OPLAH: variants seen among roughly 807,000 people sequenced by gnomAD.
OPLAH encodes 5-oxoprolinase.
Under a neutral mutation model 122.8 loss-of-function variants are expected in OPLAH, and 103 were observed. The ratio of observed to expected loss-of-function variants is 0.84; its 90% CI spans 0.71 to 0.99. OPLAH has a LOEUF of 0.99. OPLAH is among the 50% of genes least tolerant of loss of function. The pLI, the probability that OPLAH is intolerant of heterozygous loss-of-function variation, is 0.00. For missense variants in OPLAH, 1,902 were observed against 1,836.5 expected, an observed-to-expected ratio of 1.04 and a Z score of -0.65; for synonymous variants, 875 against 796.0, an observed-to-expected ratio of 1.10 and a Z score of -1.67.
chr8:144,059,192 C>T (rs1205411357), intron 3 of OPLAH, 113 bp from the exon 4 acceptor site: 8 of 866,584 alleles, frequency 9.2e-6, no homozygotes, highest in African/African-American at 3.4e-5. Context: ...GGTCGGCAGG[C>T]CCAGGAGAGT....
In OPLAH at chr8:144,059,971, ACGT is replaced by A; in HGVS notation, c.59_61del (p.Asp20del). ...GTGCCCCCCTGGGCACTGGGCAAAG[ACGT>A]CTGTGAAGGTACCCCCACGGTCGAT... On this transcript the variant is annotated inframe_deletion, in exon 2 of 27. Transcript: ENST00000618853. 6.2e-7 allele frequency: 1 copy of A among 1,612,718 alleles called. No individual in the cohort carries two copies. The highest frequency in any genetic ancestry group is 8.5e-7 in the Non-Finnish European group (1 of 1,179,816).
chr8:144,054,330 C>G (rs1835456205), intron 19 of OPLAH, among the ~76,000 whole-genome samples: 1 of 152,232 alleles, frequency 6.6e-6, no homozygotes, highest in African/African-American at 2.4e-5. Context: ...TTGGCTAACT[C>G]TCCACCCGCA....
chr8:144,054,421 G>A (rs1243565889), intron 19 of OPLAH, 140 bp downstream of exon 19: 2 of 922,182 alleles, frequency 2.2e-6, no homozygotes, highest in Admixed American at 3.0e-5. Context: ...CTGCCCTTTG[G>A]GGTAACCACC....
Position 144,052,021 on chromosome 8 carries a change from G to A in OPLAH, c.3517C>T (p.Arg1173Cys), listed in dbSNP as rs930565646. The stretch of plus-strand genomic sequence containing the variant: ...GTGACGCCGTCGCCGCCTCGGAAGC[G>A]GCCTCTGCCCCCCGAGCCCCGCCGC... ...ELRRGSGGRGRFRGGDGVTRE... is the reference protein window; with the variant it reads ...ELRRGSGGRGCFRGGDGVTRE... Residue 1173 changes from arginine (R) to cysteine (C), a missense_variant, in exon 25 of 27, where the codon CGC (arginine) becomes TGC (cysteine). Physicochemically the swap from Arg to Cys is radical, Grantham distance 180. Coordinates refer to ENST00000618853, the MANE Select transcript of OPLAH (RefSeq NM_017570.5). 1 of 1,589,932 alleles carries A rather than the reference G, an allele frequency of 6.3e-7. No homozygotes were observed. Among genetic ancestry groups the A allele is most frequent in the Admixed American group, 1.7e-5 (1 of 59,352 alleles).
chr8:144,063,133 G>A (rs1211606110), upstream of OPLAH, among the ~76,000 whole-genome samples: 4 of 151,990 alleles, frequency 2.6e-5, no homozygotes, highest in East Asian at 1.9e-4. This position sits in a 1 kb window ranked among gnomAD's most constrained non-coding sequence, Gnocchi z 4.2. Flanking sequence ...GGGATGGCCC[G>A]GCCCCTACTC....
rs781872871 is a variant in OPLAH, at chr8:144,051,923, C to T, written c.3615G>A (p.Gly1205=). The T allele has an allele frequency of 2.6e-6, 4 of 1,534,392 alleles. No homozygotes were observed. The highest frequency in any genetic ancestry group is 3.5e-6 in the Non-Finnish European group (4 of 1,147,014). Residue 1205 remains glycine, a synonymous_variant, in exon 25 of 27, where the codon GGG becomes GGA. Coordinates refer to ENST00000618853, the MANE Select transcript of OPLAH (RefSeq NM_017570.5). Reference sequence around the variant, plus strand: ...GGCTGGGGAACCGCGCACCGTGGAGCCCGTATGGCCGGAAGGCGCGGCGCT... The same window carrying T: ...GGCTGGGGAACCGCGCACCGTGGAGTCCGTATGGCCGGAAGGCGCGGCGCT... ...LTERRAFRPY[G]LHGGEPGARG...
rs782488907 is a variant in OPLAH, at chr8:144,058,802, G to A, written c.558C>T (p.Ser186=). ...LEGLLSRGIR[S]LAVVLMHSYT... is the part of the protein sequence containing the mutation. Reference sequence around the variant, plus strand: ...ACGAGTGCATGAGCACCACAGCCAGGCTGCGGATGCCTCGAGATAGCAGCC... The same window carrying A: ...ACGAGTGCATGAGCACCACAGCCAGACTGCGGATGCCTCGAGATAGCAGCC... The change falls in exon 5 of 27, where the codon AGC becomes AGT. Residue 186 remains serine (S), a synonymous_variant. Coordinates refer to ENST00000618853, the MANE Select transcript of OPLAH (RefSeq NM_017570.5). The A allele has an allele frequency of 6.2e-7, 1 of 1,602,978 alleles. No homozygotes were observed.
intron 6 of OPLAH, 39 bp from the exon 7 acceptor site, chr8:144,058,443 A>C (rs1835583586): frequency 3.2e-6 from 5 of 1,583,888 alleles, no homozygotes; most frequent in Non-Finnish European, 4.3e-6. Flanking sequence ...GGGGCAGGCC[A>C]AGGCCCAGGC....
downstream of OPLAH, chr8:144,050,982 G>T: frequency 9.3e-7 from 1 of 1,075,474 alleles, no homozygotes; most frequent in Non-Finnish European, 1.1e-6. Flanking sequence ...CTACCTGGCC[G>T]GCCTTCCCGG....
chr8:144,053,464 C>T (rs539650818), intron 19 of OPLAH, 71 bp from the exon 20 acceptor site: 2 of 1,455,996 alleles, frequency 1.4e-6, no homozygotes, highest in South Asian at 2.6e-5. Flanking sequence ...TTTCCCAGAT[C>T]CAGACAAGGT....
chr8:144,057,950 A>C (rs1835565656), intron 8 of OPLAH, 27 bp from the exon 9 acceptor site: 2 of 1,611,694 alleles, frequency 1.2e-6, no homozygotes, highest in Non-Finnish European at 1.7e-6. Context: ...CTGGGGTTGG[A>C]GTTGGACACG....
chr8:144,056,525 TGC>T lies in OPLAH; in HGVS notation c.1845-4_1845-3del, dbSNP rs1835519570. 1 of 1,612,086 alleles carries T rather than the reference TGC, an allele frequency of 6.2e-7. No homozygotes were observed. The highest frequency in any genetic ancestry group is 2.2e-5 in the East Asian group (1 of 44,836). On this transcript the variant is annotated splice_region_variant and splice_polypyrimidine_tract_variant and intron_variant, in intron 13 of 26. Coordinates refer to ENST00000618853, the MANE Select transcript of OPLAH (RefSeq NM_017570.5). ...ACAAAGCCAAACTCCCTCATGTACC[TGC>T]ACTCCCCGCGGGGACCCAAGGAGTG...
At chr8:144,056,831 AC>A in intron 12 of OPLAH, 76 bp from the exon 13 acceptor site, 1 of 1,526,438 alleles carries the variant, frequency 6.6e-7, no homozygotes, top group Non-Finnish European at 8.8e-7. Context: ...CGGCAAGGAC[AC>A]CTGTTCTGCT....
At chr8:144,051,050 C>A, downstream of OPLAH, 1 of 1,302,208 alleles carries the variant, frequency 7.7e-7, no homozygotes. Flanking sequence ...TCACGTACCG[C>A]GGAGTTCCCG....
In OPLAH at chr8:144,055,071, G is replaced by A. The variant is rs1304694945; in HGVS notation, c.2367C>T (p.Ile789=). ...DGGLVSNAPH[I]PVHLGAMQET... ...CCTGCATGGCACCCAGGTGCACAGG[G>A]ATGTGGGGGGCATTGGACACCAGCC... is the stretch of plus-strand genomic sequence containing the variant. The change falls in exon 17 of 27, where the codon ATC becomes ATT. Residue 789 remains isoleucine, a synonymous_variant. Transcript: ENST00000618853. The surrounding 1 kb of genome is among the most constrained non-coding windows in gnomAD (Gnocchi z 6.5). The A allele has an allele frequency of 2.2e-5, 34 of 1,556,712 alleles. No homozygotes were observed. The highest frequency in any genetic ancestry group is 1.8e-4 in the Middle Eastern group (1 of 5,596).
chr8:144,056,049 T>A, intron 15 of OPLAH, 98 bp downstream of exon 15: 3 of 1,510,630 alleles, frequency 2.0e-6, no homozygotes, highest in South Asian at 2.5e-5. Flanking sequence ...GGATACAGAG[T>A]CCTGCAGGCC....
At chr8:144,057,398 A>C in intron 10 of OPLAH, 50 bp downstream of exon 10, 2 of 1,585,406 alleles carry the variant, frequency 1.3e-6, no homozygotes, top group South Asian at 1.1e-5. Flanking sequence ...GGCCTGGGGC[A>C]GGGAGCAGGG....
At chr8:144,057,402 A>G in intron 10 of OPLAH, 46 bp downstream of exon 10, 1 of 1,587,848 alleles carries the variant, frequency 6.3e-7, no homozygotes. Flanking sequence ...TGGGGCAGGG[A>G]GCAGGGCTGG....
At chr8:144,052,648 A>T (rs1554757966) in intron 22 of OPLAH, 50 bp from the exon 23 acceptor site, 1 of 1,548,950 alleles carries the variant, frequency 6.5e-7, no homozygotes, top group Non-Finnish European at 8.7e-7. Context: ...GCTCCGGGAG[A>T]AACAGCACCC....
Sources: gnomAD v4.1 joint callset for allele counts (sites outside exome capture counted in the v4.1 genomes callset) on GRCh38, gnomAD v4.1.1 for gene constraint, Gnocchi (gnomAD v3.1) non-coding constraint, MANE v1.5 for transcripts, NCBI Gene and HGNC (gene_info 2026-07-23, HGNC 2026-07-21) for gene names.